Variants in DCC observed in about 807,000 individuals in gnomAD.
DCC encodes the protein DCC netrin 1 receptor.
Under a neutral mutation model 172.5 loss-of-function variants are expected in DCC, and 58 were observed. The ratio of observed to expected loss-of-function variants is 0.34; its 90% CI spans 0.27 to 0.42. The LOEUF is 0.42. DCC is among the 10% of genes least tolerant of loss of function. The probability of loss-of-function intolerance (pLI) is 1.00; values close to 1 mark genes in which losing one functional copy is unlikely to be tolerated. For synonymous variants in DCC, 709 were observed against 644.5 expected, an observed-to-expected ratio of 1.10 and a Z score of -1.52; for missense variants, 1,740 against 1,791.0, an observed-to-expected ratio of 0.97 and a Z score of 0.51.
chr18:52,983,914 A>AT (rs754093896), intron 5 of DCC, among the ~76,000 whole-genome samples: 69 of 152,156 alleles, frequency 4.5e-4, no homozygotes, highest in Non-Finnish European at 8.7e-4. Context: ...TCCTGCACTT[A>AT]TTTTTTTCAT....
rs534070504 is a variant in DCC at position 52,827,680 on chromosome 18, A to G, written c.412+75306A>G. Reference sequence around the variant, plus strand: ...TAATCCACACAATAGCTCTTCTACTACTATTTGCAGACAATGGCAGGCACT... The same window carrying G: ...TAATCCACACAATAGCTCTTCTACTGCTATTTGCAGACAATGGCAGGCACT... On this transcript the variant is annotated intron_variant, in intron 2 of 28. Transcript: ENST00000442544. Among the ~76,000 whole-genome samples the G allele has an allele frequency of 2.6e-5, 4 of 152,368 alleles. No homozygotes were observed. The East Asian group carries it at 7.7e-4, about 29-fold the overall frequency.
intron 1 of DCC, among the ~76,000 whole-genome samples, chr18:52,666,235 G>T (rs542825409): frequency 8.5e-5 from 13 of 152,100 alleles, no homozygotes; most frequent in Admixed American, 2.6e-4. Context: ...CGGAGGTTGC[G>T]GTGAGCCAAG....
chr18:52,893,043 A>T (rs749034238), intron 2 of DCC, among the ~76,000 whole-genome samples: 5 of 152,164 alleles, frequency 3.3e-5, no homozygotes, highest in Non-Finnish European at 7.4e-5. Flanking sequence ...GGTATATTTG[A>T]TGTGAATCTT....
At chr18:53,366,012 C>T (rs942110670) in intron 15 of DCC, among the ~76,000 whole-genome samples, 1 of 151,998 alleles carries the variant, frequency 6.6e-6, no homozygotes, top group African/African-American at 2.4e-5. Flanking sequence ...GGGTTGAATC[C>T]TTATTCTACC....
At chr18:53,307,767 T>C (rs2057216738) in intron 13 of DCC, among the ~76,000 whole-genome samples, 1 of 150,446 alleles carries the variant, frequency 6.6e-6, no homozygotes, top group Non-Finnish European at 1.5e-5. Flanking sequence ...TTTCCTTTGA[T>C]TAAAGTAATA....
Position 52,755,787 on chromosome 18 carries a change from CT to C in DCC, c.412+3414del, listed in dbSNP as rs1359910611. Among the ~76,000 whole-genome samples, 26 of 152,246 alleles carry C rather than the reference CT, an allele frequency of 1.7e-4. 1 individual carries two copies. The highest frequency in any genetic ancestry group is 6.0e-4 in the African/African-American group (25 of 41,566). On this transcript the variant is annotated intron_variant, in intron 2 of 28. Transcript: ENST00000442544. ...ATAGAGCCCATATTAAATAATGTCCCTCTTCCATTTTTGCTTTCTCAAAGTG... is the reference window on the plus strand; with the variant it reads ...ATAGAGCCCATATTAAATAATGTCCCCTTCCATTTTTGCTTTCTCAAAGTG...
intron 2 of DCC, among the ~76,000 whole-genome samples, chr18:52,784,934 G>GGGGA (rs536041160): frequency 7.1e-6 from 1 of 141,446 alleles, no homozygotes; most frequent in Non-Finnish European, 1.5e-5. Context: ...AGAGAAGGGG[G>GGGGA]GAGAGAGAGA....
At chr18:52,771,518 A>C (rs2037343421) in intron 2 of DCC, among the ~76,000 whole-genome samples, 1 of 152,166 alleles carries the variant, frequency 6.6e-6, no homozygotes, top group Non-Finnish European at 1.5e-5. Context: ...CTTCCTCTAC[A>C]TAGAAACACT....
In DCC at chr18:53,534,223, T is replaced by G. The variant is rs1014993884; in HGVS notation, c.*3570T>G. Reference sequence around the variant, plus strand: ...TTTTAGATAAAATTGTGTCCCAGAATTCTTATGGTTTCGGAATGTACATTT... The same window carrying G: ...TTTTAGATAAAATTGTGTCCCAGAAGTCTTATGGTTTCGGAATGTACATTT... On this transcript the variant is annotated 3_prime_UTR_variant, in exon 29 of 29. Transcript: ENST00000442544. 6.6e-6 allele frequency: 1 copy of G among 152,228 alleles called. No homozygotes were observed. Among genetic ancestry groups the G allele is most frequent in the Non-Finnish European group, 1.5e-5 (1 of 68,038 alleles). The allele number at this position is 152,228 out of a possible 1,614,324, so 9.4% of individuals were successfully genotyped here. A position where few individuals can be genotyped will look rare whatever the true frequency, so the allele number is the denominator to read the frequency against.
intron 7 of DCC, among the ~76,000 whole-genome samples, chr18:53,073,255 G>A (rs1365038824): frequency 1.3e-5 from 2 of 152,310 alleles, no homozygotes; most frequent in African/African-American, 4.8e-5. Context: ...GCCCGGCGCG[G>A]TGGCTCAGGC....
At chr18:52,838,536 T>A (rs1406905635) in intron 2 of DCC, among the ~76,000 whole-genome samples, 1 of 152,118 alleles carries the variant, frequency 6.6e-6, no homozygotes, top group Non-Finnish European at 1.5e-5. Flanking sequence ...GAAAACTTAA[T>A]TTTTATGGTA....
chr18:52,382,835 C>T (rs973426129), intron 1 of DCC, among the ~76,000 whole-genome samples: 2 of 151,986 alleles, frequency 1.3e-5, no homozygotes, highest in Admixed American at 6.6e-5. Context: ...TACTCAGGTG[C>T]CTGTGTAGGA....
intron 8 of DCC, among the ~76,000 whole-genome samples, chr18:53,175,617 C>T (rs1158090206): frequency 1.3e-5 from 2 of 151,124 alleles, no homozygotes; most frequent in African/African-American, 4.9e-5. Flanking sequence ...ATCCAACTTA[C>T]AAGGGATGTG....
At chr18:53,308,743 A>G (rs2057231105) in intron 13 of DCC, among the ~76,000 whole-genome samples, 1 of 152,240 alleles carries the variant, frequency 6.6e-6, no homozygotes, top group Non-Finnish European at 1.5e-5. Context: ...AAAACGCAGT[A>G]CGGCAACTAT....
At chr18:52,972,623 T>G (rs1162687490) in intron 5 of DCC, among the ~76,000 whole-genome samples, 1 of 152,008 alleles carries the variant, frequency 6.6e-6, no homozygotes, top group Non-Finnish European at 1.5e-5. Context: ...TATGAATACA[T>G]GTATACTGGG....
chr18:53,011,106 A>T (rs1196378423), intron 5 of DCC, among the ~76,000 whole-genome samples: 1 of 151,474 alleles, frequency 6.6e-6, no homozygotes, highest in Non-Finnish European at 1.5e-5. Context: ...CCCTAAACTC[A>T]TTTTACAAAT....
intron 1 of DCC, among the ~76,000 whole-genome samples, chr18:52,698,085 C>G (rs2036042883): frequency 6.6e-6 from 1 of 152,268 alleles, no homozygotes; most frequent in East Asian, 1.9e-4. Context: ...AATTGGGTAT[C>G]TTCTTGGGCT....
intron 1 of DCC, among the ~76,000 whole-genome samples, chr18:52,669,062 G>C (rs1053172257): frequency 2.6e-5 from 4 of 152,182 alleles, no homozygotes; most frequent in African/African-American, 9.7e-5. Flanking sequence ...GAGGATCAGA[G>C]TTTTTAAGGA....
At chr18:53,403,815 A>ACACT (rs1909473209) in intron 19 of DCC, among the ~76,000 whole-genome samples, 1 of 152,242 alleles carries the variant, frequency 6.6e-6, no homozygotes, top group Non-Finnish European at 1.5e-5. Context: ...TTCAGAAGGC[A>ACACT]CACTTACTTT....
Sources: gnomAD v4.1 joint callset for allele counts (sites outside exome capture counted in the v4.1 genomes callset) on GRCh38, gnomAD v4.1.1 for gene constraint, MANE v1.5 for transcripts, NCBI Gene and HGNC (gene_info 2026-07-23, HGNC 2026-07-21) for gene names.